The following PCDH11X variants were observed in gnomAD, a reference collection of about 807,000 sequenced individuals.
PCDH11X encodes the protein protocadherin 11 X-linked.
PCDH11X carries 18 observed loss-of-function variants against 53.3 expected under a neutral mutation model. The observed-to-expected ratio is 0.34, with a 90% confidence interval of 0.23 to 0.50. PCDH11X has a LOEUF of 0.50. Among genes scored for constraint, PCDH11X ranks in the 20% least tolerant of loss-of-function variants. PCDH11X has a pLI of 0.98. For synonymous variants in PCDH11X, 279 were observed against 393.3 expected, an observed-to-expected ratio of 0.71 and a Z score of 3.44; for missense variants, 570 against 1,032.4, an observed-to-expected ratio of 0.55 and a Z score of 6.14.
chrX:92,360,900 C>T (rs950754496), intron 8 of PCDH11X, among the ~76,000 whole-genome samples: 4 of 108,292 alleles, frequency 3.7e-5, no homozygotes, highest in African/African-American at 1.3e-4. Flanking sequence ...CTGTGTTGGG[C>T]CACTACAAAT....
Position 91,911,222 on chromosome X carries a change from T to C in PCDH11X, c.3033+31949T>C, listed in dbSNP as rs772417221. The stretch of plus-strand genomic sequence containing the variant: ...TACATATGTCTAGCCACTTAAATAA[T>C]TGTATTCAATTAAATCCACTTTTCA... On this transcript the variant is annotated intron_variant, in intron 6 of 10. Transcript: ENST00000682573. Among the ~76,000 whole-genome samples, 306 of 110,254 alleles carry C rather than the reference T, an allele frequency of 2.8e-3. 3 individuals carry two copies. Among genetic ancestry groups the C allele is most frequent in the African/African-American group, 9.6e-3 (292 of 30,507 alleles).
At chrX:91,880,599 T>C (rs1332832352) in intron 6 of PCDH11X, among the ~76,000 whole-genome samples, 1 of 111,364 alleles carries the variant, frequency 9.0e-6, no homozygotes, top group African/African-American at 3.3e-5. Context: ...CTAATTCAGA[T>C]GTGGGTGCAT....
chrX:91,846,707 TAA>T (rs978182897), intron 5 of PCDH11X, among the ~76,000 whole-genome samples: 8 of 111,823 alleles, frequency 7.2e-5, no homozygotes, highest in Non-Finnish European at 1.5e-4. Flanking sequence ...TTGCTGCTGT[TAA>T]GTTTCCTTAA....
At chrX:91,915,825 C>G (rs1257881274) in intron 6 of PCDH11X, among the ~76,000 whole-genome samples, 1 of 111,313 alleles carries the variant, frequency 9.0e-6, no homozygotes, top group Non-Finnish European at 1.9e-5. Context: ...GAAATTAAAC[C>G]ATAGTCTAGA....
At chrX:91,842,071 A>G (rs1268943070) in intron 5 of PCDH11X, among the ~76,000 whole-genome samples, 2 of 99,262 alleles carry the variant, frequency 2.0e-5, no homozygotes, top group African/African-American at 3.7e-5. Context: ...AGCAAAAACT[A>G]TAAAGTGCAG....
chrX:92,358,804 G>T (rs182247330), intron 8 of PCDH11X, among the ~76,000 whole-genome samples: 1 of 108,445 alleles, frequency 9.2e-6, no homozygotes, highest in Admixed American at 1.0e-4. Context: ...TAGAATTTGA[G>T]ATCTGTAGGT....
At chrX:92,450,860 C>T (rs146412585) in intron 9 of PCDH11X, among the ~76,000 whole-genome samples, 1,495 of 110,672 alleles carry the variant, frequency 0.014, 11 homozygotes, top group Non-Finnish European at 0.018. Flanking sequence ...AGCATAAACT[C>T]GCTTTGGCTC....
intron 1 of PCDH11X, among the ~76,000 whole-genome samples, chrX:91,805,798 C>T (rs1196258565): frequency 1.8e-5 from 2 of 108,502 alleles, no homozygotes; most frequent in East Asian, 2.9e-4. Context: ...TGCACTCTAT[C>T]CTGGGTGGCA....
At chrX:91,912,107 A>G (rs1187139576) in intron 6 of PCDH11X, among the ~76,000 whole-genome samples, 2 of 111,919 alleles carry the variant, frequency 1.8e-5, no homozygotes, top group African/African-American at 3.2e-5. Context: ...TAGAAATGCT[A>G]CTGATTTTTG....
At chrX:92,278,786 G>C (rs1165170960) in intron 8 of PCDH11X, among the ~76,000 whole-genome samples, 3 of 104,951 alleles carry the variant, frequency 2.9e-5, no homozygotes, top group Non-Finnish European at 5.8e-5. Flanking sequence ...TGGGCTCAGA[G>C]GCCTGACAGT....
intron 7 of PCDH11X, among the ~76,000 whole-genome samples, chrX:92,218,418 C>A (rs971749702): frequency 3.6e-5 from 4 of 111,540 alleles, no homozygotes; most frequent in Non-Finnish European, 7.5e-5. Context: ...ACTACAAACA[C>A]CTCTATGAAA....
chrX:92,248,847 G>A (rs1487373284), intron 7 of PCDH11X, among the ~76,000 whole-genome samples: 11 of 109,812 alleles, frequency 1.0e-4, no homozygotes, highest in African/African-American at 1.7e-4. Context: ...GATTGCAGGC[G>A]CCCATCACCA....
At chrX:92,155,646 A>G (rs2065517826) in intron 6 of PCDH11X, among the ~76,000 whole-genome samples, 1 of 79,804 alleles carries the variant, frequency 1.3e-5, no homozygotes, top group African/African-American at 6.3e-5. Context: ...TTTTTTCCTG[A>G]GACAGAGTCT....
intron 6 of PCDH11X, among the ~76,000 whole-genome samples, chrX:92,020,332 T>C (rs1390841656): frequency 8.9e-6 from 1 of 111,758 alleles, no homozygotes; most frequent in African/African-American, 3.3e-5. Flanking sequence ...TCTCTATAGC[T>C]CCAGGTCATG....
chrX:92,465,152 G>T (rs2073133234), intron 9 of PCDH11X, among the ~76,000 whole-genome samples: 1 of 110,457 alleles, frequency 9.1e-6, no homozygotes, highest in African/African-American at 3.3e-5. Context: ...GTCTCTTAAA[G>T]AAACAAAAAA....
intron 6 of PCDH11X, among the ~76,000 whole-genome samples, chrX:91,917,191 A>C (rs773564794): frequency 9.1e-6 from 1 of 109,627 alleles, no homozygotes; most frequent in Admixed American, 9.8e-5. Flanking sequence ...TGTGACAAAC[A>C]CATAGCCAGC....
chrX:92,295,519 C>T (rs1279135152), intron 8 of PCDH11X, among the ~76,000 whole-genome samples: 3 of 109,788 alleles, frequency 2.7e-5, no homozygotes, highest in African/African-American at 9.9e-5. Context: ...TAATTATCTT[C>T]GCTAGGTCCT....
At chrX:92,558,804 G>T (rs775740552) in intron 10 of PCDH11X, among the ~76,000 whole-genome samples, 1 of 111,244 alleles carries the variant, frequency 9.0e-6, no homozygotes, top group East Asian at 2.8e-4. Flanking sequence ...AGGATAACTT[G>T]CTGGTATCTT....
intron 10 of PCDH11X, among the ~76,000 whole-genome samples, chrX:92,576,005 T>C (rs1481601085): frequency 2.8e-5 from 1 of 35,236 alleles, no homozygotes; most frequent in African/African-American, 1.7e-4. Flanking sequence ...TATATATATA[T>C]ATATATACAC....
Sources: allele counts gnomAD v4.1 joint callset (sites outside exome capture counted in the v4.1 genomes callset), GRCh38; gene constraint gnomAD v4.1.1; transcripts MANE v1.5; gene names NCBI Gene and HGNC (gene_info 2026-07-23, HGNC 2026-07-21).